Variants in CSMD1 observed in about 807,000 individuals in gnomAD.
The protein encoded by CSMD1 is CUB and Sushi multiple domains 1, also known as CUB and sushi domain-containing protein 1.
In CSMD1, 213 loss-of-function variants were observed where a neutral mutation model predicts 417.5. That is an observed-to-expected ratio of 0.51 (90% CI 0.46 to 0.57). The LOEUF is 0.57. Among genes scored for constraint, CSMD1 ranks in the 20% least tolerant of loss-of-function variants. The pLI is 0.00. For missense variants in CSMD1, 6,923 were observed against 4,529.7 expected, an observed-to-expected ratio of 1.53 and a Z score of -15.17; for synonymous variants, 2,862 against 1,736.8, an observed-to-expected ratio of 1.65 and a Z score of -16.11.
At chr8:3,780,321 A>G (rs996429220) in intron 5 of CSMD1, among the ~76,000 whole-genome samples, 7 of 152,216 alleles carry the variant, frequency 4.6e-5, no homozygotes, top group African/African-American at 1.2e-4. Flanking sequence ...GTCAACTGAA[A>G]TAACAGTTGT....
intron 7 of CSMD1, among the ~76,000 whole-genome samples, chr8:3,684,833 T>G (rs1184386778): frequency 2.0e-5 from 3 of 152,148 alleles, no homozygotes; most frequent in African/African-American, 7.2e-5. Flanking sequence ...AAACTAGTAT[T>G]TCCATCACGA....
chr8:4,642,833 A>G (rs1252822282), intron 1 of CSMD1, among the ~76,000 whole-genome samples: 2 of 152,196 alleles, frequency 1.3e-5, no homozygotes, highest in Non-Finnish European at 2.9e-5. Context: ...TTTGGACATC[A>G]AAGATATTTT....
At chr8:4,380,113 T>G (rs1039361933) in intron 3 of CSMD1, among the ~76,000 whole-genome samples, 1 of 152,068 alleles carries the variant, frequency 6.6e-6, no homozygotes, top group Non-Finnish European at 1.5e-5. Context: ...TAAAACAAAT[T>G]CCTTGTGTTG....
At chr8:4,055,412 C>G (rs1011462244) in intron 3 of CSMD1, among the ~76,000 whole-genome samples, 5 of 151,818 alleles carry the variant, frequency 3.3e-5, no homozygotes, top group Non-Finnish European at 7.4e-5. Flanking sequence ...ATATTTTAAA[C>G]TCACTAAACA....
rs1291681548 is a variant in CSMD1 at position 4,410,276 on chromosome 8, T to C, written c.415+9677A>G. ...AGGTAGGTACCATTTATTTTTCATTTCACAAGGGAAAACAAATTGAGGTAA... is the reference window on the plus strand; with the variant it reads ...AGGTAGGTACCATTTATTTTTCATTCCACAAGGGAAAACAAATTGAGGTAA... On this transcript the variant is annotated intron_variant, in intron 3 of 69. Transcript: ENST00000635120. Among the ~76,000 whole-genome samples the C allele has an allele frequency of 2.0e-5, 3 of 152,304 alleles. No homozygotes were observed. The East Asian group carries it at 5.8e-4, about 29-fold the overall frequency.
chr8:3,568,867 A>G (rs1186820558), intron 10 of CSMD1, among the ~76,000 whole-genome samples: 1 of 152,132 alleles, frequency 6.6e-6, no homozygotes, highest in Non-Finnish European at 1.5e-5. Context: ...AGTAGAAGGT[A>G]GGTCCTTCAT....
At chr8:4,568,315 G>A (rs1409232719) in intron 2 of CSMD1, among the ~76,000 whole-genome samples, 2 of 151,976 alleles carry the variant, frequency 1.3e-5, no homozygotes. Flanking sequence ...TCTATGATGT[G>A]TCCCTGTGTC....
chr8:3,233,194 AT>A (rs1798947116), intron 26 of CSMD1, among the ~76,000 whole-genome samples: 1 of 152,084 alleles, frequency 6.6e-6, no homozygotes, highest in African/African-American at 2.4e-5. Context: ...TGTAATCAAT[AT>A]GGTCATATTG....
intron 3 of CSMD1, among the ~76,000 whole-genome samples, chr8:4,047,214 T>A (rs1017384098): frequency 6.6e-6 from 1 of 152,134 alleles, no homozygotes; most frequent in African/African-American, 2.4e-5. Flanking sequence ...TCATGTGTAT[T>A]TCAGTCTGAC....
At chr8:3,670,511 T>C (rs545697621) in intron 7 of CSMD1, among the ~76,000 whole-genome samples, 2 of 139,814 alleles carry the variant, frequency 1.4e-5, no homozygotes, top group East Asian at 2.4e-4. Context: ...CATATATATA[T>C]ATATATCCTA....
At chr8:4,718,946 A>G (rs1285048979) in intron 1 of CSMD1, among the ~76,000 whole-genome samples, 3 of 152,198 alleles carry the variant, frequency 2.0e-5, no homozygotes, top group African/African-American at 7.2e-5. Context: ...ACTGACAGGA[A>G]AAATGAGAAC....
intron 3 of CSMD1, among the ~76,000 whole-genome samples, chr8:4,378,412 A>G (rs1000339222): frequency 7.2e-5 from 11 of 152,226 alleles, no homozygotes; most frequent in African/African-American, 2.4e-4. Context: ...TTAAAACAGA[A>G]GAGCATGATA....
chr8:3,504,265 T>G (rs899180631), intron 10 of CSMD1, among the ~76,000 whole-genome samples: 4 of 152,158 alleles, frequency 2.6e-5, no homozygotes, highest in African/African-American at 9.7e-5. Flanking sequence ...AACATTTTTT[T>G]TAAGTGAACA....
chr8:4,167,952 A>T (rs1020691936), intron 3 of CSMD1, among the ~76,000 whole-genome samples: 1 of 151,936 alleles, frequency 6.6e-6, no homozygotes, highest in African/African-American at 2.4e-5. Context: ...GCATGGTGAA[A>T]CCCTATCTCT....
chr8:4,070,849 A>T (rs1799518179), intron 3 of CSMD1, among the ~76,000 whole-genome samples: 1 of 152,176 alleles, frequency 6.6e-6, no homozygotes. Context: ...CACGTGATAT[A>T]AATGTCTAGG....
chr8:4,813,587 C>T (rs2117346321), intron 1 of CSMD1, among the ~76,000 whole-genome samples: 1 of 152,248 alleles, frequency 6.6e-6, no homozygotes, highest in East Asian at 1.9e-4. Flanking sequence ...CATCAAAGTT[C>T]AAATCTCTGG....
At position 4,046,460 on chromosome 8, in the gene CSMD1, C is replaced by T. The variant is rs114144050; in HGVS notation, c.416-14361G>A. Among the ~76,000 whole-genome samples the T allele has an allele frequency of 6.8e-3, 1,031 of 152,284 alleles. 17 individuals are homozygous for T. Among genetic ancestry groups the T allele is most frequent in the African/African-American group, 0.024 (994 of 41,544 alleles). ...TGTTACTGAATTCACATAAACAGCT[C>T]AAGCTTCATGAAAAGAGTCTTTCGG... On this transcript the variant is annotated intron_variant, in intron 3 of 69. Transcript: ENST00000635120.
chr8:4,174,318 C>G (rs886515364), intron 3 of CSMD1, among the ~76,000 whole-genome samples: 1 of 152,114 alleles, frequency 6.6e-6, no homozygotes, highest in Non-Finnish European at 1.5e-5. Context: ...ACTACATGAC[C>G]TAGGTATTAT....
chr8:4,657,225 G>C (rs1356831766), intron 1 of CSMD1, among the ~76,000 whole-genome samples: 3 of 152,088 alleles, frequency 2.0e-5, no homozygotes, highest in African/African-American at 7.2e-5. Context: ...TTTCACACCT[G>C]GTTGAGCAGT....
Sources: allele counts gnomAD v4.1 joint callset (sites outside exome capture counted in the v4.1 genomes callset), GRCh38; gene constraint gnomAD v4.1.1; transcripts MANE v1.5; gene names NCBI Gene and HGNC (gene_info 2026-07-23, HGNC 2026-07-21).